The following SBNO2 variants were observed in gnomAD, a reference collection of about 807,000 sequenced individuals.
SBNO2 encodes protein strawberry notch homolog 2.
A neutral mutation model predicts 146.3 loss-of-function variants in SBNO2; 89 were observed. That is an observed-to-expected ratio of 0.61 (90% CI 0.51 to 0.73). The LOEUF (loss-of-function observed/expected upper bound fraction) is 0.73, where lower values mean the gene tolerates loss of function less well. Ranked by LOEUF, SBNO2 falls within the 30% of genes least tolerant of loss-of-function variation. The probability of loss-of-function intolerance (pLI) is 0.00; values close to 1 mark genes in which losing one functional copy is unlikely to be tolerated. For synonymous variants in SBNO2, 1,147 were observed against 892.6 expected (o/e 1.29, Z -5.08); for missense variants, 2,092 against 2,003.7 (o/e 1.04, Z -0.84).
chr19:1,165,843 C>T (rs62650644), intron 1 of SBNO2, among the ~76,000 whole-genome samples: 7 of 95,764 alleles, frequency 7.3e-5, no homozygotes, highest in African/African-American at 1.1e-4. Context: ...CCCCAGATCC[C>T]AGATCTCAGA....
rs1449261582 is a variant in SBNO2, at chr19:1,144,102, G to A, written c.279+3207C>T. On this transcript the variant is annotated intron_variant, in intron 4 of 31. Transcript: ENST00000361757. This position sits in a 1 kb window ranked among gnomAD's most constrained non-coding sequence, Gnocchi z 4.1. ...CTCCTTCCTGGCTCCGCAGAACCAC[G>A]CGGCCCAGCCCACAGGCCTGGGCTG... Among the ~76,000 whole-genome samples, 1 of 152,106 alleles carries A rather than the reference G, an allele frequency of 6.6e-6. No homozygotes were observed. The highest frequency in any genetic ancestry group is 1.5e-5 in the Non-Finnish European group (1 of 68,000).
chr19:1,145,530 G>A (rs757780885), intron 4 of SBNO2, among the ~76,000 whole-genome samples: 45 of 151,992 alleles, frequency 3.0e-4, no homozygotes, highest in Non-Finnish European at 5.2e-4. Flanking sequence ...ACAGAAAGAG[G>A]CAGAGAAGGG....
intron 4 of SBNO2, 42 bp downstream of exon 4, chr19:1,147,267 C>T: frequency 1.5e-6 from 2 of 1,365,490 alleles, no homozygotes; most frequent in South Asian, 1.2e-5. Flanking sequence ...GCCCAGACTC[C>T]ACCCTGCCCC....
At chr19:1,125,693 A>AT (rs2079957528) in intron 5 of SBNO2, among the ~76,000 whole-genome samples, 1 of 149,162 alleles carries the variant, frequency 6.7e-6, no homozygotes, top group Non-Finnish European at 1.5e-5. Flanking sequence ...GAAAAAAAAA[A>AT]GTGTGAAGAA....
At chr19:1,115,994 G>A (rs2079827561) in intron 17 of SBNO2, 27 bp downstream of exon 17, 4 of 1,574,732 alleles carry the variant, frequency 2.5e-6, no homozygotes, top group Admixed American at 1.7e-5. Context: ...GGCAGGGGTG[G>A]GTGGGGCCAT....
intron 11 of SBNO2, 183 bp from the exon 12 acceptor site, chr19:1,120,206 G>A (rs1599837100): frequency 1.7e-6 from 1 of 593,736 alleles, no homozygotes; most frequent in East Asian, 2.8e-5. Context: ...CGGGCAGGCG[G>A]CCCCCACACG....
intron 14 of SBNO2, 85 bp from the exon 15 acceptor site, chr19:1,117,584 G>A (rs935891407): frequency 3.6e-6 from 5 of 1,398,010 alleles, no homozygotes; most frequent in Admixed American, 2.5e-5. Context: ...CCAGCCCTGG[G>A]CAAGGCATCC....
At position 1,109,070 on chromosome 19, in the gene SBNO2, C is replaced by T. The variant is rs1256713334; in HGVS notation, c.3425+65G>A. 1.1e-5 allele frequency: 17 copies of T among 1,528,530 alleles called. No homozygotes were observed. In the South Asian group the frequency reaches 1.8e-4, roughly 16 times the overall value. 94.7% of individuals were successfully genotyped at this position (1,528,530 alleles called of 1,614,324 possible). ...CCGCCTCCTCTCAGGGTCTCGGGAG[C>T]CCCCGATCCCCGCCTGGGTCGCCGC... On this transcript the variant is annotated intron_variant, in intron 30 of 31. Coordinates refer to ENST00000361757, the MANE Select transcript of SBNO2 (RefSeq NM_014963.3). This position sits in a 1 kb window ranked among gnomAD's most constrained non-coding sequence, Gnocchi z 4.2.
rs2079705878 is a variant in SBNO2 at position 1,108,614 on chromosome 19, A to G, written c.3707T>C (p.Leu1236Pro). The change falls in exon 32 of 32, where the codon CTG (leucine) becomes CCG (proline). Residue 1236 changes from leucine to proline, a missense_variant. By Grantham distance (98) the Leu-to-Pro change is moderately conservative (BLOSUM62 -3). Transcript: ENST00000361757. ...ADVKRRQAPA[L>P]GCPAPPAPRP... The stretch of plus-strand genomic sequence containing the variant: ...CGGGGCGGGCGGGGCGGGGCAGCCC[A>G]GGGCGGGCGCCTGCCTGCGCTTCAC... The G allele has an allele frequency of 1.4e-6, 2 of 1,422,912 alleles. No homozygotes were observed. The highest frequency in any genetic ancestry group is 1.8e-6 in the Non-Finnish European group (2 of 1,097,492). 88.1% of individuals were successfully genotyped at this position (1,422,912 alleles called of 1,614,324 possible). A position where few individuals can be genotyped will look rare whatever the true frequency, so the allele number is the denominator to read the frequency against.
rs1023256303 is a variant in SBNO2, at chr19:1,126,339, T to C, written c.441+1265A>G. Among the ~76,000 whole-genome samples the C allele has an allele frequency of 9.2e-5, 14 of 152,146 alleles. No individual in the cohort carries two copies. The highest frequency in any genetic ancestry group is 3.4e-4 in the African/African-American group (14 of 41,456). Reference sequence around the variant, plus strand: ...AGGTTCCTGGAAGGCTGAGTCACCATTCCCGGTGGGGCTGGCGGGCATTGG... The same window carrying C: ...AGGTTCCTGGAAGGCTGAGTCACCACTCCCGGTGGGGCTGGCGGGCATTGG... On this transcript the variant is annotated intron_variant, in intron 5 of 31. Transcript: ENST00000361757. The surrounding 1 kb of genome is among the most constrained non-coding windows in gnomAD (Gnocchi z 4.4).
chr19:1,171,593 GAC>G (rs2080478306), intron 1 of SBNO2, among the ~76,000 whole-genome samples: 2 of 152,164 alleles, frequency 1.3e-5, no homozygotes, highest in Non-Finnish European at 1.5e-5. Context: ...TGGTTCTGTC[GAC>G]ACAGTCGCCT....
In SBNO2 at chr19:1,132,305, C is replaced by T; in HGVS notation, c.280-4540G>A. The T allele has an allele frequency of 2.3e-6, 3 of 1,309,184 alleles. No individual in the cohort carries two copies. In the South Asian group the frequency reaches 6.2e-5, roughly 27 times the overall value. The allele number at this position is 1,309,184 out of a possible 1,614,324, so 81.1% of individuals were successfully genotyped here. A position where few individuals can be genotyped will look rare whatever the true frequency, so the allele number is the denominator to read the frequency against. On this transcript the variant is annotated intron_variant, in intron 4 of 31. Coordinates refer to ENST00000361757, the MANE Select transcript of SBNO2 (RefSeq NM_014963.3). ...AGTCACCGCCGCCGGCGCCTACTTC[C>T]TCTAAGGCCGGGGCTGACTTTCAGG...
At chr19:1,138,898 G>A (rs2080110004) in intron 4 of SBNO2, among the ~76,000 whole-genome samples, 1 of 149,752 alleles carries the variant, frequency 6.7e-6, no homozygotes, top group Non-Finnish European at 1.5e-5. Flanking sequence ...AGACACAGTG[G>A]GTCCTCCACG....
chr19:1,151,163 C>T (rs1300751319), intron 2 of SBNO2, among the ~76,000 whole-genome samples: 4 of 152,220 alleles, frequency 2.6e-5, no homozygotes, highest in Admixed American at 2.0e-4. Context: ...GTGGCACATC[C>T]GGAACATTCT....
chr19:1,113,960 C>A (rs556766530), intron 18 of SBNO2, among the ~76,000 whole-genome samples: 6 of 152,334 alleles, frequency 3.9e-5, no homozygotes, highest in South Asian at 2.1e-4. Context: ...GGGGTAGGGA[C>A]TGCCCAGCCC....
intron 7 of SBNO2, among the ~76,000 whole-genome samples, 178 bp from the exon 8 acceptor site, chr19:1,123,223 G>A (rs1016768006): frequency 1.5e-4 from 23 of 151,934 alleles, no homozygotes; most frequent in Admixed American, 3.9e-4. Flanking sequence ...GTGGAGGAGT[G>A]GTCAGGGCTG....
chr19:1,160,223 C>T (rs1189590348), intron 1 of SBNO2, among the ~76,000 whole-genome samples: 1 of 152,192 alleles, frequency 6.6e-6, no homozygotes, highest in African/African-American at 2.4e-5. Context: ...AGCAGCCGCT[C>T]ACCCACATCC....
chr19:1,113,582 G>A lies in SBNO2; in HGVS notation c.2200C>T (p.Leu734=), dbSNP rs781004161. The A allele has an allele frequency of 1.5e-5, 24 of 1,601,434 alleles. No homozygotes were observed. The East Asian group carries it at 5.5e-4, about 37-fold the overall frequency. The part of the protein sequence containing the change: ...RLGRELPVNT[L]DELIDQLGGP... Reference sequence around the variant, plus strand: ...CCCAGCTGGTCGATGAGCTCGTCCAGGGTGTTGACTGGCAGTTCCCGGCCC... The same window carrying A: ...CCCAGCTGGTCGATGAGCTCGTCCAAGGTGTTGACTGGCAGTTCCCGGCCC... The change falls in exon 19 of 32, where the codon CTG becomes TTG. Residue 734 remains leucine (L), a synonymous_variant. Coordinates refer to ENST00000361757, the MANE Select transcript of SBNO2 (RefSeq NM_014963.3).
intron 1 of SBNO2, among the ~76,000 whole-genome samples, chr19:1,165,343 T>C (rs1325223228): frequency 6.6e-6 from 1 of 151,952 alleles, no homozygotes; most frequent in East Asian, 1.9e-4. Flanking sequence ...ACCCCGAAAG[T>C]GGAAGCCACA....
Sources: allele counts gnomAD v4.1 joint callset (sites outside exome capture counted in the v4.1 genomes callset), GRCh38; gene constraint gnomAD v4.1.1; non-coding constraint Gnocchi (gnomAD v3.1); transcripts MANE v1.5; gene names NCBI Gene and HGNC (gene_info 2026-07-23, HGNC 2026-07-21).